BCAS3: variants seen among roughly 807,000 people sequenced by gnomAD.
BCAS3 encodes the protein BCAS3 microtubule associated cell migration factor.
A neutral mutation model predicts 116.1 loss-of-function variants in BCAS3; 53 were observed. The ratio of observed to expected loss-of-function variants is 0.46; its 90% CI spans 0.37 to 0.57. BCAS3 has a LOEUF of 0.57. Among genes scored for constraint, BCAS3 ranks in the 20% least tolerant of loss-of-function variants. The probability of loss-of-function intolerance (pLI) is 0.00; values close to 1 mark genes in which losing one functional copy is unlikely to be tolerated. For synonymous variants in BCAS3, 391 were observed against 408.2 expected (o/e 0.96, Z 0.51); for missense variants, 917 against 1,165.4 (o/e 0.79, Z 3.10).
rs777921048 is a variant in BCAS3 at position 61,315,805 on chromosome 17, G to A, written c.2426-52522G>A. 2.0e-5 allele frequency among the ~76,000 whole-genome samples: 3 copies of A among 152,084 alleles called. No homozygotes were observed. The highest frequency in any genetic ancestry group is 4.4e-5 in the Non-Finnish European group (3 of 68,036). On this transcript the variant is annotated intron_variant, in intron 22 of 23. Transcript: ENST00000407086. The surrounding 1 kb of genome is among the most constrained non-coding windows in gnomAD (Gnocchi z 5.3). ...CTCCCATCTGCCTCCACATGCCGCT[G>A]CGTCCCCTCCACGGCTCCCCTGCAG...
At chr17:60,873,647 G>A (rs895705462) in intron 8 of BCAS3, among the ~76,000 whole-genome samples, 2 of 152,060 alleles carry the variant, frequency 1.3e-5, no homozygotes, top group Non-Finnish European at 2.9e-5. Flanking sequence ...TAAATCTTGG[G>A]CATTGAGAAA....
At chr17:60,743,099 C>A (rs533620452) in intron 5 of BCAS3, among the ~76,000 whole-genome samples, 3 of 142,518 alleles carry the variant, frequency 2.1e-5, no homozygotes, top group African/African-American at 5.3e-5. Flanking sequence ...GGTGACAGAG[C>A]GAGACTCCTT....
intron 10 of BCAS3, among the ~76,000 whole-genome samples, chr17:60,897,199 A>G (rs1422312624): frequency 1.3e-5 from 2 of 152,198 alleles, no homozygotes; most frequent in African/African-American, 4.8e-5. Flanking sequence ...CTTGACTGAC[A>G]TACTTTTTTC....
rs2066022025 is a variant in BCAS3, at chr17:61,023,621, G to T, written c.1637+7720G>T. On this transcript the variant is annotated intron_variant, in intron 16 of 23. Transcript: ENST00000407086. The surrounding 1 kb of genome is among the most constrained non-coding windows in gnomAD (Gnocchi z 4.8). The stretch of plus-strand genomic sequence containing the variant: ...CAGCTAGTAAGATTGAAGACTTTGT[G>T]GCACCATGTGGCATTCAACAAAATG... Among the ~76,000 whole-genome samples the T allele has an allele frequency of 6.6e-6, 1 of 152,160 alleles. No homozygotes were observed. Among genetic ancestry groups the T allele is most frequent in the Admixed American group, 6.5e-5 (1 of 15,278 alleles).
chr17:61,108,388 CTT>C (rs1344818263), intron 22 of BCAS3, among the ~76,000 whole-genome samples: 1 of 152,066 alleles, frequency 6.6e-6, no homozygotes, highest in Non-Finnish European at 1.5e-5. Context: ...CAATATCTGT[CTT>C]TTAATTAGTG....
At chr17:60,681,328 C>T (rs958449335) in intron 2 of BCAS3, among the ~76,000 whole-genome samples, 16 of 151,592 alleles carry the variant, frequency 1.1e-4, no homozygotes, top group South Asian at 2.1e-4. Context: ...GGAGAAAACC[C>T]GTCTCTACTA....
intron 22 of BCAS3, among the ~76,000 whole-genome samples, chr17:61,262,762 G>C (rs1480125890): frequency 5.0e-5 from 7 of 141,352 alleles, no homozygotes; most frequent in Non-Finnish European, 9.1e-5. Context: ...GCACTATCTT[G>C]ACTCACCGCA....
intron 9 of BCAS3, among the ~76,000 whole-genome samples, chr17:60,881,598 AC>A (rs1362903938): frequency 1.8e-5 from 1 of 56,198 alleles, no homozygotes; most frequent in East Asian, 6.3e-4. Flanking sequence ...CCCTCCCCCC[AC>A]CCCACCACAG....
In BCAS3 at chr17:61,380,385, G is replaced by A. The variant is rs115219235; in HGVS notation, c.2594-11592G>A. 1,674 of 868,686 alleles carry A rather than the reference G, an allele frequency of 1.9e-3. 21 individuals are homozygous for A. In the African/African-American group the frequency reaches 0.024, roughly 12 times the overall value. The allele number at this position is 868,686 out of a possible 1,614,324, so 53.8% of individuals were successfully genotyped here. ...CTGGGAACAGACCATGAACACCCCC[G>A]CAAAGCTCTCAGTGGTCAAACCAGA... On this transcript the variant is annotated intron_variant, in intron 23 of 23. Coordinates refer to ENST00000407086, the MANE Select transcript of BCAS3 (RefSeq NM_017679.5). The surrounding 1 kb of genome is among the most constrained non-coding windows in gnomAD (Gnocchi z 4.2).
chr17:61,080,776 C>G (rs1354748701), intron 21 of BCAS3, among the ~76,000 whole-genome samples: 2 of 151,934 alleles, frequency 1.3e-5, no homozygotes, highest in African/African-American at 4.8e-5. Flanking sequence ...ACAAACAAAC[C>G]AACACACAAA....
chr17:60,812,052 C>CAAAA, intron 7 of BCAS3, among the ~76,000 whole-genome samples: 1 of 118,818 alleles, frequency 8.4e-6, no homozygotes. Flanking sequence ...GACCCAGTCT[C>CAAAA]AAAAAAAAAA....
rs753662766 is a variant in BCAS3 at position 61,368,464 on chromosome 17, C to T, written c.2563C>T (p.Pro855Ser). 1.9e-6 allele frequency: 3 copies of T among 1,609,968 alleles called. No homozygotes were observed. The highest frequency in any genetic ancestry group is 2.5e-6 in the Non-Finnish European group (3 of 1,176,636). ...ACTTGCCGACGCCATGGCCGAGTCA[C>T]CTAGCCGGGACGTCGTGGGATCCGG... Reference protein sequence around the residue: ...ERLADAMAESPSRDVVGSGTE... With the variant: ...ERLADAMAESSSRDVVGSGTE... The change falls in exon 23 of 24, where the codon CCT (proline) becomes TCT (serine). Residue 855 changes from proline (P) to serine (S), a missense_variant. Physicochemically the swap from Pro to Ser is moderately conservative, Grantham distance 74. Around this residue, in one of 3 missense-constraint regions of BCAS3, gnomAD observed 109 missense variants for 122.8 expected, o/e 0.89. Transcript: ENST00000407086. This position sits in a 1 kb window ranked among gnomAD's most constrained non-coding sequence, Gnocchi z 6.0.
intron 22 of BCAS3, among the ~76,000 whole-genome samples, chr17:61,255,788 T>C (rs947951201): frequency 2.6e-5 from 4 of 152,232 alleles, no homozygotes; most frequent in Non-Finnish European, 4.4e-5. Flanking sequence ...TATCACAGCT[T>C]TCTTTTCCCT....
At chr17:60,790,880 A>G (rs1181299019) in intron 6 of BCAS3, among the ~76,000 whole-genome samples, 1 of 151,204 alleles carries the variant, frequency 6.6e-6, no homozygotes, top group Non-Finnish European at 1.5e-5. Flanking sequence ...AGTAGCCAGG[A>G]TTACAGGCGT....
In BCAS3 at chr17:61,162,673, A is replaced by G. The variant is rs1302952945; in HGVS notation, c.2425+78109A>G. Among the ~76,000 whole-genome samples the G allele has an allele frequency of 6.6e-6, 1 of 152,220 alleles. No homozygotes were observed. Among genetic ancestry groups the G allele is most frequent in the African/African-American group, 2.4e-5 (1 of 41,446 alleles). ...CTTTTAGTTGTTGAAAACAAAAATA[A>G]TAAGTAAACCAGTTCAGGGATATAC... On this transcript the variant is annotated intron_variant, in intron 22 of 23. Transcript: ENST00000407086. This position sits in a 1 kb window ranked among gnomAD's most constrained non-coding sequence, Gnocchi z 5.6.
chr17:61,044,465 A>AAAAAAAAAAAAAAAAT, intron 19 of BCAS3, among the ~76,000 whole-genome samples: 2 of 120,126 alleles, frequency 1.7e-5, no homozygotes, highest in African/African-American at 5.0e-5. Flanking sequence ...AAAAAAAAAA[A>AAAAAAAAAAAAAAAAT]ATATATATAT....
chr17:60,789,946 G>C (rs934028943), intron 6 of BCAS3, among the ~76,000 whole-genome samples: 5 of 152,052 alleles, frequency 3.3e-5, no homozygotes, highest in African/African-American at 9.7e-5. Context: ...ACCTTGAAAT[G>C]AGAATATTTT....
In BCAS3 at chr17:61,364,583, C is replaced by G. The variant is rs2143477895; in HGVS notation, c.2426-3744C>G. Among the ~76,000 whole-genome samples, 1 of 152,274 alleles carries G rather than the reference C, an allele frequency of 6.6e-6. No homozygotes were observed. The highest frequency in any genetic ancestry group is 1.9e-4 in the East Asian group (1 of 5,170). On this transcript the variant is annotated intron_variant, in intron 22 of 23. Transcript: ENST00000407086. The surrounding 1 kb of genome is among the most constrained non-coding windows in gnomAD (Gnocchi z 5.4). ...ATTAGCTGGGCATGGTGGTGCACAC[C>G]TGTAGTCCCAGCTACTCAGGAGGCT...
chr17:60,681,792 C>T (rs975528575), intron 2 of BCAS3, among the ~76,000 whole-genome samples: 13 of 147,816 alleles, frequency 8.8e-5, no homozygotes, highest in South Asian at 4.4e-4. Context: ...TGCGATGGCA[C>T]GATCTCGGCT....
Sources: allele counts gnomAD v4.1 joint callset (sites outside exome capture counted in the v4.1 genomes callset), GRCh38; gene constraint gnomAD v4.1.1; regional missense constraint gnomAD v4.1.1; non-coding constraint Gnocchi (gnomAD v3.1); transcripts MANE v1.5; gene names NCBI Gene and HGNC (gene_info 2026-07-23, HGNC 2026-07-21).